AGBL4: variants seen among roughly 807,000 people sequenced by gnomAD.
The protein encoded by AGBL4 is cytosolic carboxypeptidase 6.
A neutral mutation model predicts 66.4 loss-of-function variants in AGBL4; 58 were observed. The ratio of observed to expected loss-of-function variants is 0.87; its 90% CI spans 0.71 to 1.09. The LOEUF (loss-of-function observed/expected upper bound fraction) is 1.09, where lower values mean the gene tolerates loss of function less well. Among genes scored for constraint, AGBL4 ranks in the 50% least tolerant of loss-of-function variants. AGBL4 has a pLI of 0.00. For synonymous variants in AGBL4, 234 were observed against 222.9 expected (o/e 1.05, Z -0.44); for missense variants, 579 against 631.0 (o/e 0.92, Z 0.88).
intron 6 of AGBL4, among the ~76,000 whole-genome samples, chr1:48,754,080 T>C (rs1652151516): frequency 6.6e-6 from 1 of 152,222 alleles, no homozygotes; most frequent in South Asian, 2.1e-4. Flanking sequence ...TTTGAACTAA[T>C]GTTACCCGAG....
intron 3 of AGBL4, among the ~76,000 whole-genome samples, chr1:49,441,909 C>T (rs748700014): frequency 6.6e-5 from 10 of 152,120 alleles, no homozygotes; most frequent in East Asian, 3.9e-4. Flanking sequence ...ATGGAGGTTA[C>T]GCATGGGCTC....
At chr1:49,540,856 C>T (rs1214529200) in intron 3 of AGBL4, among the ~76,000 whole-genome samples, 1 of 152,048 alleles carries the variant, frequency 6.6e-6, no homozygotes, top group Non-Finnish European at 1.5e-5. Context: ...CAGTTAACTC[C>T]TTAGCATAAT....
At chr1:50,018,166 T>C (rs1662134955) in intron 1 of AGBL4, among the ~76,000 whole-genome samples, 1 of 152,186 alleles carries the variant, frequency 6.6e-6, no homozygotes, top group South Asian at 2.1e-4. Context: ...AGTCTTTTTG[T>C]GTTTCATTGC....
At chr1:49,284,818 G>C (rs1644365739) in intron 3 of AGBL4, among the ~76,000 whole-genome samples, 1 of 150,766 alleles carries the variant, frequency 6.6e-6, no homozygotes, top group African/African-American at 2.4e-5. Context: ...AACAAGAAGA[G>C]CTAACTATCC....
chr1:48,683,946 A>T (rs569490849), intron 6 of AGBL4, among the ~76,000 whole-genome samples: 1 of 152,156 alleles, frequency 6.6e-6, no homozygotes, highest in African/African-American at 2.4e-5. Flanking sequence ...ATAAGAAAGC[A>T]CTCCTTGGCA....
chr1:49,161,059 C>G (rs1646532033), intron 4 of AGBL4, among the ~76,000 whole-genome samples: 1 of 152,010 alleles, frequency 6.6e-6, no homozygotes, highest in Admixed American at 6.6e-5. Context: ...GGGGAGTGAA[C>G]AGTTCTGTCT....
intron 1 of AGBL4, among the ~76,000 whole-genome samples, chr1:49,933,855 G>A (rs1653633139): frequency 6.6e-6 from 1 of 151,872 alleles, no homozygotes; most frequent in Non-Finnish European, 1.5e-5. Flanking sequence ...AGCAAGTGAG[G>A]AAAAAAGAAA....
intron 2 of AGBL4, among the ~76,000 whole-genome samples, chr1:49,836,275 CTTTTCATTCT>C (rs1425424545): frequency 6.6e-6 from 1 of 152,056 alleles, no homozygotes; most frequent in Non-Finnish European, 1.5e-5. Flanking sequence ...TTGTTCATTC[CTTTTCATTCT>C]TTTTCTCTAA....
chr1:49,261,267 C>A (rs1448959346), intron 3 of AGBL4, among the ~76,000 whole-genome samples: 1 of 151,888 alleles, frequency 6.6e-6, no homozygotes, highest in African/African-American at 2.4e-5. Flanking sequence ...GATGCCCTCT[C>A]TCACCACTCC....
intron 1 of AGBL4, among the ~76,000 whole-genome samples, chr1:50,020,662 C>T (rs1662378156): frequency 6.6e-6 from 1 of 151,998 alleles, no homozygotes; most frequent in Non-Finnish European, 1.5e-5. Context: ...TTTAAATTGT[C>T]AAAAAAACTA....
chr1:48,948,979 G>A (rs1004721350), intron 5 of AGBL4, among the ~76,000 whole-genome samples: 3 of 152,154 alleles, frequency 2.0e-5, no homozygotes, highest in African/African-American at 7.2e-5. Flanking sequence ...ATGCTAAAGT[G>A]GACGTTTCAT....
At chr1:48,598,375 T>C (rs1244612014) in intron 9 of AGBL4, among the ~76,000 whole-genome samples, 3 of 152,036 alleles carry the variant, frequency 2.0e-5, no homozygotes, top group Non-Finnish European at 2.9e-5. Context: ...CATCATAGAG[T>C]GTACTTACAC....
chr1:48,873,275 G>A (rs1312345400), intron 5 of AGBL4, among the ~76,000 whole-genome samples: 2 of 152,202 alleles, frequency 1.3e-5, no homozygotes, highest in East Asian at 1.9e-4. Context: ...CCGTGCTTTC[G>A]TCATTTGCCT....
chr1:48,547,074 C>T (rs932862035), intron 11 of AGBL4, among the ~76,000 whole-genome samples: 3 of 151,686 alleles, frequency 2.0e-5, no homozygotes, highest in African/African-American at 4.8e-5. Flanking sequence ...GGGTGAGAGA[C>T]GGAAACTGGA....
At chr1:49,592,242 G>A (rs1216803862) in intron 3 of AGBL4, among the ~76,000 whole-genome samples, 1 of 151,126 alleles carries the variant, frequency 6.6e-6, no homozygotes, top group Non-Finnish European at 1.5e-5. Flanking sequence ...AATCAAATAA[G>A]CAAAAAACAA....
At chr1:49,877,332 C>T (rs1409131565) in intron 1 of AGBL4, among the ~76,000 whole-genome samples, 1 of 151,774 alleles carries the variant, frequency 6.6e-6, no homozygotes, top group Non-Finnish European at 1.5e-5. Context: ...AAATACGTCC[C>T]ATCAATACCT....
chr1:49,914,926 C>T (rs79869815), intron 1 of AGBL4, among the ~76,000 whole-genome samples: 2 of 152,058 alleles, frequency 1.3e-5, no homozygotes, highest in African/African-American at 2.4e-5. Context: ...CCCACTCCCA[C>T]AATAATGGCA....
At chr1:49,301,749 C>A (rs1001909507) in intron 3 of AGBL4, among the ~76,000 whole-genome samples, 6 of 152,136 alleles carry the variant, frequency 3.9e-5, no homozygotes, top group Non-Finnish European at 7.4e-5. Flanking sequence ...ATTTTTTAGA[C>A]CTTCCATTCT....
chr1:49,568,524 A>ACACACACAC lies in AGBL4; in HGVS notation c.282+128788_282+128789insGTGTGTGTG, dbSNP rs750607745. Among the ~76,000 whole-genome samples the ACACACACAC allele has an allele frequency of 6.3e-3, 316 of 49,920 alleles. 2 individuals carry two copies. Among genetic ancestry groups the ACACACACAC allele is most frequent in the Middle Eastern group, 0.017 (1 of 58 alleles). 32.7% of individuals were successfully genotyped at this position (49,920 alleles called of 152,430 possible). A position where few individuals can be genotyped will look rare whatever the true frequency, so the allele number is the denominator to read the frequency against. ...ACACACACACACACACACACACACA[A>ACACACACAC]ATGCCATGCTCATGGAAAGGAAGAA... On this transcript the variant is annotated intron_variant, in intron 3 of 13. Transcript: ENST00000371839.
Sources: gnomAD v4.1 joint callset for allele counts (sites outside exome capture counted in the v4.1 genomes callset) on GRCh38, gnomAD v4.1.1 for gene constraint, MANE v1.5 for transcripts, NCBI Gene and HGNC (gene_info 2026-07-23, HGNC 2026-07-21) for gene names.